The following CADM1 variants were observed in gnomAD, a reference collection of about 807,000 sequenced individuals.
CADM1 encodes the protein cell adhesion molecule 1.
A neutral mutation model predicts 53.1 loss-of-function variants in CADM1; 15 were observed. That is an observed-to-expected ratio of 0.28 (90% CI 0.19 to 0.44). The LOEUF (loss-of-function observed/expected upper bound fraction) is 0.44, where lower values mean the gene tolerates loss of function less well. Among genes scored for constraint, CADM1 ranks in the 20% least tolerant of loss-of-function variants. The probability of loss-of-function intolerance (pLI) is 1.00; values close to 1 mark genes in which losing one functional copy is unlikely to be tolerated. For synonymous variants in CADM1, 281 were observed against 243.0 expected (o/e 1.16, Z -1.45); for missense variants, 434 against 611.3 (o/e 0.71, Z 3.06).
chr11:115,445,097 T>C (rs911912644), intron 1 of CADM1, among the ~76,000 whole-genome samples: 1 of 152,212 alleles, frequency 6.6e-6, no homozygotes, highest in Non-Finnish European at 1.5e-5. Context: ...AAAGCAATTC[T>C]CAAAAATGTA....
At chr11:115,267,014 A>G (rs1252324622) in intron 1 of CADM1, among the ~76,000 whole-genome samples, 1 of 152,224 alleles carries the variant, frequency 6.6e-6, no homozygotes. Flanking sequence ...ACATGAGTAG[A>G]TCGACAGCCC....
intron 1 of CADM1, among the ~76,000 whole-genome samples, chr11:115,374,518 C>T (rs1946389755): frequency 6.6e-6 from 1 of 152,102 alleles, no homozygotes; most frequent in South Asian, 2.1e-4. Context: ...AAGATCCTCA[C>T]CATTTTGCAG....
At chr11:115,249,321 TC>T (rs1942513529) in intron 1 of CADM1, among the ~76,000 whole-genome samples, 2 of 152,286 alleles carry the variant, frequency 1.3e-5, no homozygotes, top group South Asian at 4.1e-4. Context: ...TACACAAAAT[TC>T]CACTGTTGAC....
chr11:115,502,365 A>C (rs1949747874), intron 1 of CADM1, among the ~76,000 whole-genome samples: 1 of 125,538 alleles, frequency 8.0e-6, no homozygotes, highest in Admixed American at 9.2e-5. Flanking sequence ...TGCAGCCAAT[A>C]CAAGTCTATT....
At chr11:115,403,548 G>T in intron 1 of CADM1, among the ~76,000 whole-genome samples, 1 of 151,720 alleles carries the variant, frequency 6.6e-6, no homozygotes, top group South Asian at 2.1e-4. Context: ...CATTGTTTTT[G>T]CAATTTTTTT....
At chr11:115,189,973 C>T (rs1041236205) in intron 10 of CADM1, among the ~76,000 whole-genome samples, 4 of 152,194 alleles carry the variant, frequency 2.6e-5, no homozygotes, top group Admixed American at 1.3e-4. Context: ...CCGGGTCAGA[C>T]TTATAGTTAA....
At chr11:115,464,932 A>C (rs1306788054) in intron 1 of CADM1, among the ~76,000 whole-genome samples, 1 of 152,186 alleles carries the variant, frequency 6.6e-6, no homozygotes, top group Non-Finnish European at 1.5e-5. Flanking sequence ...TGTTTTCAAG[A>C]AATTTCCAGG....
chr11:115,235,609 T>C (rs926637976), intron 3 of CADM1, among the ~76,000 whole-genome samples: 1 of 152,176 alleles, frequency 6.6e-6, no homozygotes, highest in African/African-American at 2.4e-5. Context: ...TTATAAACAT[T>C]ACGCCTACAA....
At chr11:115,393,478 G>C (rs766601381) in intron 1 of CADM1, among the ~76,000 whole-genome samples, 3 of 151,090 alleles carry the variant, frequency 2.0e-5, no homozygotes, top group Non-Finnish European at 4.4e-5. Context: ...TATACTTTTC[G>C]GGGTTGTCAT....
At chr11:115,390,832 C>A (rs1280102526) in intron 1 of CADM1, among the ~76,000 whole-genome samples, 1 of 152,092 alleles carries the variant, frequency 6.6e-6, no homozygotes, top group Non-Finnish European at 1.5e-5. Flanking sequence ...TCTAAATGTA[C>A]CCTGGTTTGA....
At chr11:115,381,320 C>T (rs1204331377) in intron 1 of CADM1, among the ~76,000 whole-genome samples, 1 of 149,534 alleles carries the variant, frequency 6.7e-6, no homozygotes, top group Admixed American at 6.7e-5. Flanking sequence ...AAGGTGGTAA[C>T]AACAACTTTC....
intron 10 of CADM1, among the ~76,000 whole-genome samples, chr11:115,181,213 A>G (rs1001152116): frequency 1.2e-4 from 18 of 152,142 alleles, no homozygotes; most frequent in Admixed American, 8.5e-4. Context: ...TGACAAAGAA[A>G]AACAAAAACC....
intron 1 of CADM1, among the ~76,000 whole-genome samples, chr11:115,247,806 G>T (rs1009628469): frequency 1.3e-5 from 2 of 152,182 alleles, no homozygotes; most frequent in African/African-American, 4.8e-5. Context: ...TCCCCAGACT[G>T]GGTTTTCCAC....
chr11:115,193,282 C>A (rs2134653680), intron 9 of CADM1, among the ~76,000 whole-genome samples: 1 of 152,304 alleles, frequency 6.6e-6, no homozygotes, highest in South Asian at 2.1e-4. Context: ...ATTAAGGCCT[C>A]TTTCTAGTCA....
At chr11:115,389,784 ATAAT>A (rs1240848303) in intron 1 of CADM1, among the ~76,000 whole-genome samples, 4 of 151,944 alleles carry the variant, frequency 2.6e-5, no homozygotes, top group Non-Finnish European at 4.4e-5. Flanking sequence ...TCTTCTACTA[ATAAT>A]TAATTAGATA....
At chr11:115,328,733 C>CAT (rs1222652729) in intron 1 of CADM1, among the ~76,000 whole-genome samples, 33 of 110,988 alleles carry the variant, frequency 3.0e-4, no homozygotes, top group African/African-American at 9.9e-4. Flanking sequence ...TATGTATATA[C>CAT]ATATATATAT....
chr11:115,242,469 T>G (rs912944534), intron 1 of CADM1, among the ~76,000 whole-genome samples: 1 of 152,114 alleles, frequency 6.6e-6, no homozygotes, highest in African/African-American at 2.4e-5. Context: ...GAAGAAAATT[T>G]CTACCAATCA....
rs183264269 is a variant in CADM1 at position 115,253,446 on chromosome 11, C to T, written c.125-13026G>A. Among the ~76,000 whole-genome samples, 162 of 152,242 alleles carry T rather than the reference C, an allele frequency of 1.1e-3. 1 individual carries two copies. The highest frequency in any genetic ancestry group is 6.8e-3 in the Middle Eastern group (2 of 294). On this transcript the variant is annotated intron_variant, in intron 1 of 11. Coordinates refer to ENST00000331581, the MANE Select transcript of CADM1 (RefSeq NM_001301043.2). ...ACTAAGTGGTGTGCTCCTATGGCAT[C>T]ACGGGACATAATTTTCCCCTTTCAT...
chr11:115,226,413 CT>C (rs1255398610), intron 5 of CADM1, among the ~76,000 whole-genome samples: 1 of 152,102 alleles, frequency 6.6e-6, no homozygotes, highest in Non-Finnish European at 1.5e-5. Flanking sequence ...TTGTATTCAT[CT>C]TTTCCAGGTC....
Sources: allele counts gnomAD v4.1 joint callset (sites outside exome capture counted in the v4.1 genomes callset), GRCh38; gene constraint gnomAD v4.1.1; transcripts MANE v1.5; gene names NCBI Gene and HGNC (gene_info 2026-07-23, HGNC 2026-07-21).